Variants in ANXA8 observed in about 807,000 individuals in gnomAD.
ANXA8 encodes the protein annexin A8, also known as VAC-beta.
A neutral mutation model predicts 26.8 loss-of-function variants in ANXA8; 9 were observed. That is an observed-to-expected ratio of 0.34 (90% confidence interval 0.20 to 0.59). The LOEUF (loss-of-function observed/expected upper bound fraction) is 0.59, where lower values mean the gene tolerates loss of function less well. Among genes scored for constraint, ANXA8 ranks in the 20% least tolerant of loss-of-function variants. The pLI, the probability that ANXA8 is intolerant of heterozygous loss-of-function variation, is 0.84. For missense variants in ANXA8, 83 were observed against 238.5 expected (o/e 0.35, Z 4.29); for synonymous variants, 39 against 94.8 (o/e 0.41, Z 3.42).
chr10:47,484,994 C>G (rs1184977490), upstream of ANXA8, among the ~76,000 whole-genome samples: 756 of 147,434 alleles, frequency 5.1e-3, 21 homozygotes, highest in African/African-American at 0.017. Flanking sequence ...CGCTGCAAAC[C>G]TGGCCGCCGC....
chr10:47,573,176 G>A, the ANXA8 span, among the ~76,000 whole-genome samples: 6 of 147,466 alleles, frequency 4.1e-5, no homozygotes, highest in Admixed American at 4.1e-4. Context: ...CTACAACGGG[G>A]TTTCACCACG....
chr10:47,979,597 A>T, the ANXA8 span, among the ~76,000 whole-genome samples: 1 of 151,402 alleles, frequency 6.6e-6, no homozygotes, highest in South Asian at 2.1e-4. Flanking sequence ...ACACTTTCCT[A>T]ACCATGGTAG....
the ANXA8 span, among the ~76,000 whole-genome samples, chr10:47,581,743 A>C: frequency 2.0e-5 from 3 of 149,988 alleles, no homozygotes; most frequent in African/African-American, 7.5e-5. Context: ...AGTAGCTGGA[A>C]CTACAGGCGC....
the ANXA8 span, among the ~76,000 whole-genome samples, chr10:47,929,345 T>G: frequency 1.4e-5 from 1 of 73,418 alleles, no homozygotes; most frequent in African/African-American, 6.1e-5. Flanking sequence ...CCTGCCTCAT[T>G]GGGCTCTTCT....
At chr10:47,681,195 A>G in the ANXA8 span, among the ~76,000 whole-genome samples, 3 of 151,800 alleles carry the variant, frequency 2.0e-5, no homozygotes, top group Non-Finnish European at 4.4e-5. Context: ...CGTTAAAGAT[A>G]GGACCAAAAG....
chr10:47,659,765 T>A, the ANXA8 span, among the ~76,000 whole-genome samples: 1 of 151,764 alleles, frequency 6.6e-6, no homozygotes, highest in African/African-American at 2.4e-5. Context: ...ATTTTAATTT[T>A]TTATTTTTTG....
chr10:47,555,139 G>A, the ANXA8 span, among the ~76,000 whole-genome samples: 1 of 150,594 alleles, frequency 6.6e-6, no homozygotes, highest in Non-Finnish European at 1.5e-5. Flanking sequence ...TCCTGCAGGC[G>A]GTTGACTTCA....
At chr10:47,938,885 G>T in the ANXA8 span, among the ~76,000 whole-genome samples, 1 of 145,390 alleles carries the variant, frequency 6.9e-6, no homozygotes, top group Non-Finnish European at 1.5e-5. Flanking sequence ...GCATCCTCAA[G>T]GTCATCTTCA....
At chr10:47,667,640 C>T in the ANXA8 span, among the ~76,000 whole-genome samples, 1 of 151,796 alleles carries the variant, frequency 6.6e-6, no homozygotes, top group Non-Finnish European at 1.5e-5. Flanking sequence ...ACAACCTCCG[C>T]CTCCTGGGTT....
the ANXA8 span, among the ~76,000 whole-genome samples, chr10:47,686,492 G>A: frequency 5.3e-5 from 8 of 151,834 alleles, no homozygotes; most frequent in Admixed American, 4.6e-4. Context: ...GATTACAGGC[G>A]TGAGCCAAGG....
the ANXA8 span, among the ~76,000 whole-genome samples, chr10:47,530,715 G>A: frequency 1.5e-4 from 19 of 130,014 alleles, no homozygotes; most frequent in Admixed American, 4.8e-4. Context: ...AGAAAAAAGA[G>A]AGAAAATAAA....
At chr10:47,646,339 T>C in the ANXA8 span, among the ~76,000 whole-genome samples, 1 of 141,034 alleles carries the variant, frequency 7.1e-6, no homozygotes, top group Non-Finnish European at 1.5e-5. Context: ...GCTACTCTCC[T>C]CAAGCTGAAT....
the ANXA8 span, among the ~76,000 whole-genome samples, chr10:47,733,253 T>TTCTCTTTCTTTC: frequency 9.8e-6 from 1 of 102,160 alleles, no homozygotes; most frequent in Non-Finnish European, 2.0e-5. Flanking sequence ...CTTTCTTTCT[T>TTCTCTTTCTTTC]TCTTTCTTTC....
chr10:47,733,297 T>TTCTTTCTTTCTTTCTTTC, the ANXA8 span, among the ~76,000 whole-genome samples: 9 of 71,488 alleles, frequency 1.3e-4, no homozygotes, highest in East Asian at 6.4e-4. Context: ...CTTTCTTTCT[T>TTCTTTCTTTCTTTCTTTC]TTTTTTCTTT....
chr10:47,682,440 T>A, the ANXA8 span, among the ~76,000 whole-genome samples: 2 of 145,178 alleles, frequency 1.4e-5, no homozygotes, highest in Non-Finnish European at 3.0e-5. Flanking sequence ...GAAGGCATGT[T>A]CACCTTATTC....
the ANXA8 span, chr10:47,501,755 C>G: frequency 7.5e-6 from 3 of 399,142 alleles, no homozygotes; most frequent in Non-Finnish European, 1.3e-5. Flanking sequence ...GCCATGTGTA[C>G]AAAAATCAAT....
At chr10:47,696,576 T>C in the ANXA8 span, 11 of 1,331,838 alleles carry the variant, frequency 8.3e-6, no homozygotes, top group Non-Finnish European at 1.1e-5. Flanking sequence ...TAGGAAAGAT[T>C]AGAGTTAAAA....
the ANXA8 span, among the ~76,000 whole-genome samples, chr10:47,595,077 A>G: frequency 4.4e-4 from 65 of 148,994 alleles, 2 homozygotes; most frequent in African/African-American, 1.5e-3. Context: ...TCTCAGAAGA[A>G]ACCTTACAAT....
chr10:47,771,556 C>G, the ANXA8 span, among the ~76,000 whole-genome samples: 708 of 151,560 alleles, frequency 4.7e-3, 2 homozygotes, highest in African/African-American at 0.017. Context: ...TTTACAACCA[C>G]CATCTATGGC....
Sources: allele counts gnomAD v4.1 joint callset (sites outside exome capture counted in the v4.1 genomes callset), GRCh38; gene constraint gnomAD v4.1.1; transcripts MANE v1.5; gene names NCBI Gene and HGNC (gene_info 2026-07-23, HGNC 2026-07-21).